Variants in PCDHA1 observed in about 807,000 individuals in gnomAD.
PCDHA1 encodes the protein protocadherin alpha 1, also known as protocadherin alpha-1.
Under a neutral mutation model 61.3 loss-of-function variants are expected in PCDHA1, and 42 were observed. The observed-to-expected ratio is 0.69, with a 90% CI of 0.54 to 0.89. The LOEUF (loss-of-function observed/expected upper bound fraction) is 0.89. Among genes scored for constraint, PCDHA1 ranks in the 40% least tolerant of loss-of-function variants. The probability of loss-of-function intolerance (pLI) is 0.00; values close to 1 mark genes in which losing one functional copy is unlikely to be tolerated. For synonymous variants in PCDHA1, 610 were observed against 553.8 expected, an observed-to-expected ratio of 1.10 and a Z score of -1.43; for missense variants, 1,256 against 1,235.3, an observed-to-expected ratio of 1.02 and a Z score of -0.25.
At position 140,926,724 on chromosome 5, in the gene PCDHA1, G is replaced by C. The variant is rs376759295; in HGVS notation, c.2395-52225G>C. 1.5e-5 allele frequency: 15 copies of C among 1,034,056 alleles called. No homozygotes were observed. In the East Asian group the frequency reaches 2.4e-4, roughly 17 times the overall value. 64.1% of individuals were successfully genotyped at this position (1,034,056 alleles called of 1,614,324 possible). On this transcript the variant is annotated intron_variant, in intron 1 of 3. Transcript: ENST00000504120. ...CCAGCTGGCCAGCCCCGGCAATGCC[G>C]GCGTTCGGGAGGCGCAACGTCGGCG...
chr5:141,005,731 A>AAAAAAG (rs2098235322), intron 3 of PCDHA1, among the ~76,000 whole-genome samples: 2 of 149,106 alleles, frequency 1.3e-5, no homozygotes, highest in East Asian at 1.9e-4. Flanking sequence ...AAAAAAAAAA[A>AAAAAAG]GAATGGATGA....
chr5:140,969,205 C>G (rs1046509500), intron 1 of PCDHA1: 6 of 1,614,130 alleles, frequency 3.7e-6, no homozygotes, highest in East Asian at 2.2e-5. Context: ...ATACAGGGGC[C>G]CAGACAGGAC....
intron 1 of PCDHA1, chr5:140,802,723 C>T: frequency 6.2e-7 from 1 of 1,612,564 alleles, no homozygotes; most frequent in Admixed American, 1.7e-5. Context: ...AGCTACGTGT[C>T]GGTACACGCG....
At chr5:140,998,199 C>A (rs1472137266) in intron 3 of PCDHA1, among the ~76,000 whole-genome samples, 2 of 152,172 alleles carry the variant, frequency 1.3e-5, no homozygotes, top group Non-Finnish European at 2.9e-5. Flanking sequence ...GTATTAACTC[C>A]TTTAATCTGT....
intron 1 of PCDHA1, chr5:140,809,386 T>A (rs1554125180): frequency 6.2e-7 from 1 of 1,614,008 alleles, no homozygotes; most frequent in African/African-American, 1.3e-5. Flanking sequence ...GCGCGTGCGC[T>A]CCGGGCAAGC....
chr5:140,849,773 C>A (rs1554143291), intron 1 of PCDHA1: 12 of 1,598,418 alleles, frequency 7.5e-6, no homozygotes, highest in Non-Finnish European at 1.0e-5. Flanking sequence ...TGGTGGTTAC[C>A]GCGCGGGACG....
chr5:140,959,471 C>T (rs910729465), intron 1 of PCDHA1, among the ~76,000 whole-genome samples: 3 of 151,970 alleles, frequency 2.0e-5, no homozygotes, highest in African/African-American at 7.3e-5. Context: ...TGGCATCAAT[C>T]AAGGCATATT....
At chr5:140,967,354 C>T in intron 1 of PCDHA1, 1 of 1,607,952 alleles carries the variant, frequency 6.2e-7, no homozygotes, top group South Asian at 1.1e-5. Flanking sequence ...TCGAGCTGGA[C>T]CTTAAGCCCC....
intron 1 of PCDHA1, chr5:140,822,841 C>T: frequency 1.9e-6 from 3 of 1,614,204 alleles, no homozygotes; most frequent in Non-Finnish European, 2.5e-6. Flanking sequence ...CACCCTTTTC[C>T]TGCCTGTCAA....
At chr5:140,864,105 T>G (rs1413292385) in intron 1 of PCDHA1, 1 of 152,314 alleles carries the variant, frequency 6.6e-6, no homozygotes, top group Non-Finnish European at 1.5e-5. Flanking sequence ...ATAATGATAA[T>G]AGTAATAATG....
In PCDHA1 at chr5:140,823,899, C is replaced by A. The variant is rs2150130137; in HGVS notation, c.2394+35215C>A. ...TCATCGCCATCTGTGCGGTGTCCAG[C>A]CTGCTGGTGCTCACGCTGCTGCTGT... On this transcript the variant is annotated intron_variant, in intron 1 of 3. Transcript: ENST00000504120. 15 of 1,613,858 alleles carry A rather than the reference C, an allele frequency of 9.3e-6. No individual in the cohort carries two copies. The African/African-American group carries it at 1.7e-4, about 19-fold the overall frequency.
At chr5:140,951,766 C>T (rs372624744) in intron 1 of PCDHA1, among the ~76,000 whole-genome samples, 78 of 152,240 alleles carry the variant, frequency 5.1e-4, no homozygotes, top group African/African-American at 1.6e-3. Context: ...AATCTCATGA[C>T]GTTCTTACAT....
chr5:140,838,286 T>TC (rs2150151139), intron 1 of PCDHA1, among the ~76,000 whole-genome samples: 1 of 149,632 alleles, frequency 6.7e-6, no homozygotes, highest in African/African-American at 2.5e-5. Context: ...GCTAATTTTT[T>TC]TTTTTTTTTG....
intron 1 of PCDHA1, among the ~76,000 whole-genome samples, chr5:140,888,871 T>C (rs2062016827): frequency 6.6e-6 from 1 of 152,084 alleles, no homozygotes; most frequent in African/African-American, 2.4e-5. Flanking sequence ...TGTCTCAACA[T>C]AAAAATTAAA....
chr5:140,822,214 C>A (rs2150114592), intron 1 of PCDHA1: 1 of 1,614,218 alleles, frequency 6.2e-7, no homozygotes. Context: ...GTCAAGAATG[C>A]CAGATTCGCG....
intron 1 of PCDHA1, among the ~76,000 whole-genome samples, chr5:140,919,626 T>C (rs1554199177): frequency 6.6e-6 from 1 of 152,244 alleles, no homozygotes. Flanking sequence ...TTTTGAGTTA[T>C]TTTCACAGTA....
chr5:140,960,875 A>G (rs2095577090), intron 1 of PCDHA1, among the ~76,000 whole-genome samples: 1 of 152,220 alleles, frequency 6.6e-6, no homozygotes, highest in African/African-American at 2.4e-5. Context: ...TAGCTGAAAT[A>G]CACACTAATG....
chr5:140,807,529 G>A, intron 1 of PCDHA1: 1 of 1,614,174 alleles, frequency 6.2e-7, no homozygotes, highest in Non-Finnish European at 8.5e-7. Flanking sequence ...ACAGGCCGCT[G>A]CAGGTTTTCC....
At position 140,786,774 on chromosome 5, in the gene PCDHA1, A is replaced by C. The variant is rs1761331289; in HGVS notation, c.484A>C (p.Ile162Leu). Residue 162 changes from isoleucine to leucine, a missense_variant, in exon 1 of 4, where the codon ATT becomes CTT. Physicochemically the swap from Ile to Leu is conservative, Grantham distance 5. Coordinates refer to ENST00000504120, the MANE Select transcript of PCDHA1 (RefSeq NM_018900.4). ...GATAGAAGGAGCTGCTGATGCAGAC[A>C]TTGGTGCTAACGCTCTTCTAACGTA... is the stretch of plus-strand genomic sequence containing the variant. ...FPIEGAADAD[I>L]GANALLTYTL... is the part of the protein sequence containing the mutation. 1.2e-6 allele frequency: 2 copies of C among 1,614,094 alleles called. No individual in the cohort carries two copies. Among genetic ancestry groups the C allele is most frequent in the Admixed American group, 1.7e-5 (1 of 60,010 alleles).
Sources: gnomAD v4.1 joint callset for allele counts (sites outside exome capture counted in the v4.1 genomes callset) on GRCh38, gnomAD v4.1.1 for gene constraint, MANE v1.5 for transcripts, NCBI Gene and HGNC (gene_info 2026-07-23, HGNC 2026-07-21) for gene names.